DLG2: variants seen among roughly 807,000 people sequenced by gnomAD.
The protein encoded by DLG2 is discs large MAGUK scaffold protein 2, also known as disks large homolog 2.
In DLG2, 45 loss-of-function variants were observed where a neutral mutation model predicts 132.5. That is an observed-to-expected ratio of 0.34 (90% CI 0.27 to 0.44). The LOEUF is 0.44. Ranked by LOEUF, DLG2 falls within the 20% of genes least tolerant of loss-of-function variation. DLG2 has a pLI of 1.00. For missense variants in DLG2, 1,045 were observed against 1,196.9 expected (o/e 0.87, Z 1.87); for synonymous variants, 424 against 419.6 (o/e 1.01, Z -0.13).
At chr11:84,842,145 T>C (rs1168059111) in intron 6 of DLG2, among the ~76,000 whole-genome samples, 2 of 151,842 alleles carry the variant, frequency 1.3e-5, no homozygotes, top group South Asian at 2.1e-4. Context: ...CTCAGAATCA[T>C]GAGATCAAGA....
chr11:85,145,560 G>T (rs939967321), intron 5 of DLG2, among the ~76,000 whole-genome samples: 1 of 151,620 alleles, frequency 6.6e-6, no homozygotes, highest in African/African-American at 2.4e-5. Context: ...TATACAGCCT[G>T]TCTTCAATCT....
intron 3 of DLG2, among the ~76,000 whole-genome samples, chr11:85,491,978 C>A (rs1050523489): frequency 3.4e-5 from 5 of 149,246 alleles, no homozygotes; most frequent in African/African-American, 1.3e-4. Flanking sequence ...CATCACACAA[C>A]CTGACTTTGA....
chr11:85,061,157 T>C (rs2064091655), intron 6 of DLG2, among the ~76,000 whole-genome samples: 1 of 151,858 alleles, frequency 6.6e-6, no homozygotes, highest in Non-Finnish European at 1.5e-5. Flanking sequence ...TTTGTAGATA[T>C]TTTCTCCCAT....
At chr11:83,929,175 C>T (rs1013683740) in intron 15 of DLG2, among the ~76,000 whole-genome samples, 7 of 152,138 alleles carry the variant, frequency 4.6e-5, no homozygotes, top group Admixed American at 3.9e-4. Context: ...TGTTATTTAA[C>T]TCTCCTAGAG....
intron 15 of DLG2, among the ~76,000 whole-genome samples, chr11:83,883,282 G>A (rs896468071): frequency 1.3e-5 from 2 of 151,992 alleles, no homozygotes; most frequent in African/African-American, 4.8e-5. Flanking sequence ...TGTCTAAATT[G>A]TTCTTTAATT....
intron 4 of DLG2, among the ~76,000 whole-genome samples, chr11:85,189,718 A>G (rs2152527959): frequency 6.6e-6 from 1 of 152,338 alleles, no homozygotes; most frequent in African/African-American, 2.4e-5. Context: ...ACCAAAAGGC[A>G]TCTTTACTTT....
chr11:85,605,129 G>T (rs762130569), intron 2 of DLG2, among the ~76,000 whole-genome samples: 3 of 152,078 alleles, frequency 2.0e-5, no homozygotes, highest in Non-Finnish European at 2.9e-5. Flanking sequence ...AGTTTAAAAA[G>T]AACTTTTAAA....
rs2078578573 is a variant in DLG2, at chr11:85,167,946, C to CTATTAATAAACTATTAT, written c.187-13296_187-13295insATAATAGTTTATTAATA. ...ATGGGTAAGTTTAAACTAAGTAGTTCTCCTCTGCTGAAATAATAATAAACT... is the reference window on the plus strand; with the variant it reads ...ATGGGTAAGTTTAAACTAAGTAGTTCTATTAATAAACTATTATTCCTCTGCTGAAATAATAATAAACT... On this transcript the variant is annotated intron_variant, in intron 4 of 27. Coordinates refer to ENST00000376104, the MANE Select transcript of DLG2 (RefSeq NM_001142699.3). Among the ~76,000 whole-genome samples, 4 of 152,176 alleles carry CTATTAATAAACTATTAT rather than the reference C, an allele frequency of 2.6e-5. No homozygotes were observed. The East Asian group carries it at 7.7e-4, about 29-fold the overall frequency.
chr11:85,305,210 G>A (rs112160419), intron 3 of DLG2, among the ~76,000 whole-genome samples: 3 of 152,086 alleles, frequency 2.0e-5, no homozygotes, highest in Admixed American at 6.5e-5. Flanking sequence ...AATAAAGAGC[G>A]GTACTCTTTA....
At chr11:84,868,020 G>A (rs892870888) in intron 6 of DLG2, among the ~76,000 whole-genome samples, 9 of 151,592 alleles carry the variant, frequency 5.9e-5, no homozygotes, top group Non-Finnish European at 1.3e-4. Flanking sequence ...CTTGCAGTGA[G>A]CTGAGATCGC....
chr11:85,195,602 C>T (rs1316486352), intron 4 of DLG2, among the ~76,000 whole-genome samples: 3 of 150,072 alleles, frequency 2.0e-5, no homozygotes, highest in African/African-American at 7.4e-5. Context: ...CGGCTCACTG[C>T]AAGCTCCGCC....
chr11:84,644,933 G>C (rs547735485), intron 6 of DLG2, among the ~76,000 whole-genome samples: 1 of 152,228 alleles, frequency 6.6e-6, no homozygotes, highest in South Asian at 2.1e-4. Flanking sequence ...GGAACCTGCA[G>C]TGCTAAAGAA....
intron 3 of DLG2, among the ~76,000 whole-genome samples, chr11:85,566,900 T>C (rs1463662276): frequency 6.6e-6 from 1 of 152,196 alleles, no homozygotes; most frequent in Non-Finnish European, 1.5e-5. Context: ...GCTAGCTATA[T>C]GTCCTGGTAG....
intron 3 of DLG2, among the ~76,000 whole-genome samples, chr11:85,394,256 A>G (rs1316070252): frequency 6.6e-6 from 1 of 152,208 alleles, no homozygotes; most frequent in African/African-American, 2.4e-5. Context: ...TCCACTATAT[A>G]TCAGTGTAAA....
At chr11:85,598,008 TA>T (rs150418411) in intron 3 of DLG2, among the ~76,000 whole-genome samples, 1,947 of 139,090 alleles carry the variant, frequency 0.014, 21 homozygotes, top group South Asian at 0.036. Flanking sequence ...GAGATGTATA[TA>T]AAAAAAAATA....
intron 3 of DLG2, among the ~76,000 whole-genome samples, chr11:85,588,438 C>T (rs923025033): frequency 4.6e-5 from 7 of 152,046 alleles, no homozygotes; most frequent in Admixed American, 3.3e-4. Context: ...CAAGCTCTGA[C>T]ATTCTTTTTC....
At chr11:85,448,270 T>C (rs1180080579) in intron 3 of DLG2, among the ~76,000 whole-genome samples, 1 of 152,200 alleles carries the variant, frequency 6.6e-6, no homozygotes, top group Non-Finnish European at 1.5e-5. Flanking sequence ...ACATTAAGTT[T>C]ACCATTTCCT....
Position 85,157,088 on chromosome 11 carries a change from C to T in DLG2, c.187-2437G>A, listed in dbSNP as rs552068426. 2.4e-4 allele frequency among the ~76,000 whole-genome samples: 37 copies of T among 152,242 alleles called. No individual in the cohort carries two copies. In the South Asian group the frequency reaches 3.5e-3, roughly 15 times the overall value. On this transcript the variant is annotated intron_variant, in intron 4 of 27. Coordinates refer to ENST00000376104, the MANE Select transcript of DLG2 (RefSeq NM_001142699.3). ...AGGATATAAAGCAGGCAGAAAAACA[C>T]GAAAAGATTAGACTGGCCTAGCCTC...
chr11:84,984,610 A>G (rs1482030782), intron 6 of DLG2, among the ~76,000 whole-genome samples: 2 of 152,112 alleles, frequency 1.3e-5, no homozygotes, highest in Admixed American at 6.5e-5. Flanking sequence ...TACAGGCAAC[A>G]AATAGCACAA....
Sources: allele counts gnomAD v4.1 joint callset (sites outside exome capture counted in the v4.1 genomes callset), GRCh38; gene constraint gnomAD v4.1.1; transcripts MANE v1.5; gene names NCBI Gene and HGNC (gene_info 2026-07-23, HGNC 2026-07-21).